ERICH5: variants seen among roughly 807,000 people sequenced by gnomAD.
ERICH5 encodes glutamate-rich protein 5.
In ERICH5, 24 loss-of-function variants were observed where a neutral mutation model predicts 28.0. That is an observed-to-expected ratio of 0.86 (90% CI 0.62 to 1.21). The LOEUF is 1.21. ERICH5 is among the 50% of genes most tolerant of loss of function. The pLI is 0.00. For synonymous variants in ERICH5, 163 were observed against 157.6 expected (o/e 1.03, Z -0.25); for missense variants, 421 against 441.2 (o/e 0.95, Z 0.41).
chr8:98,076,325 A>G (rs1314684926), intron 1 of ERICH5, among the ~76,000 whole-genome samples: 4 of 151,470 alleles, frequency 2.6e-5, no homozygotes, highest in Non-Finnish European at 5.9e-5. Flanking sequence ...AAGTGCTGGG[A>G]TTACAGGCAT....
At chr8:98,073,394 T>G (rs1365846030) in intron 1 of ERICH5, among the ~76,000 whole-genome samples, 3 of 117,176 alleles carry the variant, frequency 2.6e-5, no homozygotes, top group Admixed American at 9.2e-5. Flanking sequence ...CTAACCAACA[T>G]AGTGAGACCC....
intron 1 of ERICH5, among the ~76,000 whole-genome samples, chr8:98,074,710 G>GA (rs1249550566): frequency 1.3e-5 from 2 of 152,112 alleles, no homozygotes; most frequent in Non-Finnish European, 2.9e-5. Context: ...TAGATTTACA[G>GA]AAAAATTATG....
At chr8:98,092,028 G>T (rs905524110) in intron 2 of ERICH5, among the ~76,000 whole-genome samples, 4 of 6,222 alleles carry the variant, frequency 6.4e-4, no homozygotes, top group Admixed American at 2.3e-3. Context: ...CCTTCCTTTC[G>T]AGACAAGATC....
At chr8:98,077,522 G>A (rs1156242384) in intron 1 of ERICH5, among the ~76,000 whole-genome samples, 1 of 152,072 alleles carries the variant, frequency 6.6e-6, no homozygotes, top group African/African-American at 2.4e-5. Flanking sequence ...TATCTTATAG[G>A]AATCTAAAAG....
intron 1 of ERICH5, among the ~76,000 whole-genome samples, chr8:98,082,479 C>T (rs995288392): frequency 1.6e-4 from 24 of 152,040 alleles, no homozygotes; most frequent in African/African-American, 5.6e-4. Context: ...AACCCCATCT[C>T]TCCTAAAAAT....
chr8:98,092,024 T>TTCCTTCCTTCCTTCC (rs1815418716), intron 2 of ERICH5, among the ~76,000 whole-genome samples: 2 of 147,202 alleles, frequency 1.4e-5, no homozygotes, highest in African/African-American at 5.1e-5. Flanking sequence ...CCTTCCTTCC[T>TTCCTTCCTTCCTTCC]TTCGAGACAA....
intron 1 of ERICH5, among the ~76,000 whole-genome samples, chr8:98,088,853 G>A (rs1014775233): frequency 1.3e-5 from 2 of 152,158 alleles, no homozygotes; most frequent in Admixed American, 1.3e-4. Context: ...TGTGGTTTTG[G>A]AGGACTTCAG....
chr8:98,091,978 TTC>T (rs1173037261), intron 2 of ERICH5, among the ~76,000 whole-genome samples: 1 of 13,442 alleles, frequency 7.4e-5, no homozygotes, highest in Non-Finnish European at 2.1e-4. Context: ...TTTCTTTTTC[TTC>T]TCTCTCTCTC....
chr8:98,087,025 A>G (rs1407684219), intron 1 of ERICH5, among the ~76,000 whole-genome samples: 1 of 151,570 alleles, frequency 6.6e-6, no homozygotes, highest in Non-Finnish European at 1.5e-5. Flanking sequence ...ATAGGAAAAG[A>G]GCTAAGTTTT....
At chr8:98,084,502 T>C (rs941159168) in intron 1 of ERICH5, among the ~76,000 whole-genome samples, 1 of 152,144 alleles carries the variant, frequency 6.6e-6, no homozygotes, top group Non-Finnish European at 1.5e-5. Context: ...TGCCTCAGCC[T>C]CCCAAGTAGC....
chr8:98,091,900 C>CTTTCTTTCTTTCTTTCTTTT, intron 2 of ERICH5, among the ~76,000 whole-genome samples: 1 of 74,708 alleles, frequency 1.3e-5, no homozygotes, highest in Admixed American at 1.5e-4. Context: ...TTCTTTCTTT[C>CTTTCTTTCTTTCTTTCTTTT]CTTTCTTTCT....
chr8:98,082,572 G>C (rs895382858), intron 1 of ERICH5, among the ~76,000 whole-genome samples: 1 of 150,918 alleles, frequency 6.6e-6, no homozygotes, highest in Non-Finnish European at 1.5e-5. Flanking sequence ...TTGAACCTGG[G>C]AGGCAGAGAT....
intron 1 of ERICH5, among the ~76,000 whole-genome samples, chr8:98,069,063 A>G (rs1394917052): frequency 6.6e-6 from 1 of 152,234 alleles, no homozygotes; most frequent in Non-Finnish European, 1.5e-5. Flanking sequence ...GAATTGAAGA[A>G]CAAACATCAT....
At position 98,089,266 on chromosome 8, in the gene ERICH5, C is replaced by T; in HGVS notation, c.249C>T (p.Pro83=). The T allele has an allele frequency of 6.2e-7, 1 of 1,614,190 alleles. No homozygotes were observed. Among genetic ancestry groups the T allele is most frequent in the Middle Eastern group, 1.6e-4 (1 of 6,062 alleles). ...GTGTTAAACCCCTCCAAGAACAGCCCCTGGCCAAGGACGTAGCCCCTGGAA... is the reference window on the plus strand; with the variant it reads ...GTGTTAAACCCCTCCAAGAACAGCCTCTGGCCAAGGACGTAGCCCCTGGAA... The part of the protein sequence containing the change: ...ANGVKPLQEQ[P]LAKDVAPGRD... The change falls in exon 2 of 3, where the codon CCC becomes CCT. Residue 83 remains proline, a synonymous_variant. Transcript: ENST00000318528.
intron 1 of ERICH5, among the ~76,000 whole-genome samples, chr8:98,088,025 C>A (rs1815311551): frequency 1.3e-5 from 2 of 152,104 alleles, no homozygotes; most frequent in South Asian, 4.2e-4. Context: ...AGTTCAAGAT[C>A]AGCCTGGGCA....
At chr8:98,070,751 T>C (rs954026598) in intron 1 of ERICH5, among the ~76,000 whole-genome samples, 7 of 145,990 alleles carry the variant, frequency 4.8e-5, no homozygotes, top group Non-Finnish European at 1.0e-4. Flanking sequence ...GTTGAGTAGA[T>C]GGATGGGTGA....
chr8:98,073,091 A>G (rs1814950224), intron 1 of ERICH5, among the ~76,000 whole-genome samples: 1 of 152,060 alleles, frequency 6.6e-6, no homozygotes, highest in Non-Finnish European at 1.5e-5. Flanking sequence ...GAAAGACAGT[A>G]TAGAGTGCTG....
intron 1 of ERICH5, among the ~76,000 whole-genome samples, chr8:98,086,796 A>G (rs1170327716): frequency 1.3e-5 from 2 of 151,886 alleles, no homozygotes; most frequent in African/African-American, 4.8e-5. Context: ...TAAAAATACA[A>G]AGAAATTAGC....
chr8:98,080,613 CCTTCTT>C (rs768069710), intron 1 of ERICH5, among the ~76,000 whole-genome samples: 5 of 151,684 alleles, frequency 3.3e-5, no homozygotes, highest in African/African-American at 4.8e-5. Flanking sequence ...TTCTCCTTCT[CCTTCTT>C]CTTCTCCTTC....
Sources: gnomAD v4.1 joint callset for allele counts (sites outside exome capture counted in the v4.1 genomes callset) on GRCh38, gnomAD v4.1.1 for gene constraint, MANE v1.5 for transcripts, NCBI Gene and HGNC (gene_info 2026-07-23, HGNC 2026-07-21) for gene names.